Variants in KIF17 observed in about 807,000 individuals in gnomAD.
KIF17 encodes kinesin-like protein KIF17.
Under a neutral mutation model 96.8 loss-of-function variants are expected in KIF17, and 80 were observed. The ratio of observed to expected loss-of-function variants is 0.83; its 90% CI spans 0.69 to 1.00. The LOEUF (loss-of-function observed/expected upper bound fraction) is 1.00. KIF17 is among the 50% of genes least tolerant of loss of function. KIF17 has a pLI of 0.00. For missense variants in KIF17, 1,280 were observed against 1,372.9 expected (o/e 0.93, Z 1.07); for synonymous variants, 567 against 587.5 (o/e 0.97, Z 0.51).
downstream of KIF17, among the ~76,000 whole-genome samples, chr1:20,663,249 A>G (rs545970382): frequency 4.5e-4 from 69 of 152,260 alleles, 1 homozygote; most frequent in South Asian, 0.011. Context: ...ATAATTTTTA[A>G]AAGACCTGAT....
chr1:20,669,561 T>TA (rs1355411685), intron 13 of KIF17, among the ~76,000 whole-genome samples: 6 of 113,960 alleles, frequency 5.3e-5, no homozygotes, highest in Non-Finnish European at 9.3e-5. Context: ...ATAATAATAA[T>TA]AATAAATAAA....
At chr1:20,692,575 A>G (rs2054058764) in intron 6 of KIF17, among the ~76,000 whole-genome samples, 3 of 151,774 alleles carry the variant, frequency 2.0e-5, no homozygotes, top group Middle Eastern at 3.2e-3. Flanking sequence ...TGATGGGATT[A>G]GAGGCGTGAG....
At chr1:20,712,717 AATT>A (rs1486595793) in intron 3 of KIF17, among the ~76,000 whole-genome samples, 1 of 29,346 alleles carries the variant, frequency 3.4e-5, no homozygotes, top group Non-Finnish European at 6.9e-5. Flanking sequence ...CTATATATAA[AATT>A]ATATTATATC....
chr1:20,675,320 T>A (rs759689141), intron 11 of KIF17, among the ~76,000 whole-genome samples: 1 of 151,226 alleles, frequency 6.6e-6, no homozygotes, highest in Non-Finnish European at 1.5e-5. Flanking sequence ...TCTTGGTGGG[T>A]GCCTGTAGTC....
chr1:20,706,888 C>CG (rs1553152411), intron 4 of KIF17, among the ~76,000 whole-genome samples: 1 of 144,730 alleles, frequency 6.9e-6, no homozygotes, highest in Non-Finnish European at 1.5e-5. Context: ...AATCCTGTCT[C>CG]AAAAAAAAAA....
chr1:20,716,190 C>T (rs1411521063), intron 1 of KIF17, among the ~76,000 whole-genome samples: 2 of 145,476 alleles, frequency 1.4e-5, no homozygotes, highest in East Asian at 2.0e-4. Context: ...TGCAGTGAGC[C>T]GAGGTCGTGC....
chr1:20,717,428 C>T, intron 1 of KIF17, 48 bp downstream of exon 1: 3 of 1,601,526 alleles, frequency 1.9e-6, no homozygotes, highest in South Asian at 2.2e-5. Flanking sequence ...ACTCTCGGGG[C>T]GGCCTCATGC....
chr1:20,716,435 G>A (rs530639285), intron 1 of KIF17, among the ~76,000 whole-genome samples: 41 of 152,322 alleles, frequency 2.7e-4, no homozygotes, highest in Middle Eastern at 3.4e-3. Flanking sequence ...GCTATGGGGC[G>A]GGGCACACAG....
Position 20,685,087 on chromosome 1 carries a change from G to T in KIF17, c.2020-67C>A. The T allele has an allele frequency of 7.4e-7, 1 of 1,347,770 alleles. No homozygotes were observed. Among genetic ancestry groups the T allele is most frequent in the African/African-American group, 1.4e-5 (1 of 68,968 alleles). 83.5% of individuals were successfully genotyped at this position (1,347,770 alleles called of 1,614,324 possible). The stretch of plus-strand genomic sequence containing the variant: ...CCCAACCCCCGCCGACAGCTCCCAG[G>T]TGGCTCAATCCCAGACGGGGCCATT... On this transcript the variant is annotated intron_variant, in intron 9 of 14. Coordinates refer to ENST00000400463, the MANE Select transcript of KIF17 (RefSeq NM_001122819.3). This position sits in a 1 kb window ranked among gnomAD's most constrained non-coding sequence, Gnocchi z 4.1.
Position 20,704,879 on chromosome 1 carries a change from G to A in KIF17, c.691C>T (p.Leu231Phe), listed in dbSNP as rs778529699. ...SAVDERGKDH[L>F]RAGKLNLVDL... ...ACCAGGTTCAGCTTGCCCGCCCGGA[G>A]GTGGTCCTTGCCCCGCTCATCTGCA... Residue 231 changes from leucine (L) to phenylalanine (F), a missense_variant, in exon 5 of 15, where the codon CTC (leucine) becomes TTC (phenylalanine). Physicochemically the swap from Leu to Phe is conservative, Grantham distance 22. Transcript: ENST00000400463. The surrounding 1 kb of genome is among the most constrained non-coding windows in gnomAD (Gnocchi z 6.8). 6.2e-7 allele frequency: 1 copy of A among 1,600,944 alleles called. No homozygotes were observed. The highest frequency in any genetic ancestry group is 8.5e-7 in the Non-Finnish European group (1 of 1,179,882).
At chr1:20,673,214 AAAATAAATAAAT>A (rs1039579411) in intron 11 of KIF17, among the ~76,000 whole-genome samples, 1 of 152,034 alleles carries the variant, frequency 6.6e-6, no homozygotes, top group South Asian at 2.1e-4. Flanking sequence ...ACTCTGTCTC[AAAATAAATAAAT>A]AAATAAATAG....
At chr1:20,690,991 T>C (rs904363027) in intron 6 of KIF17, among the ~76,000 whole-genome samples, 5 of 151,336 alleles carry the variant, frequency 3.3e-5, no homozygotes, top group Admixed American at 6.6e-5. Flanking sequence ...CCGGCCACCA[T>C]CAGCTAATTT....
At chr1:20,684,227 G>C (rs1005253030) in intron 10 of KIF17, among the ~76,000 whole-genome samples, 2 of 152,226 alleles carry the variant, frequency 1.3e-5, no homozygotes, top group Admixed American at 1.3e-4. Context: ...TGAGGCAGCA[G>C]CTTGCTCATC....
Position 20,717,689 on chromosome 1 carries a change from C to T in KIF17, c.18G>A (p.Val6=), listed in dbSNP as rs1363786152. 6.3e-7 allele frequency: 1 copy of T among 1,596,358 alleles called. No individual in the cohort carries two copies. The highest frequency in any genetic ancestry group is 2.3e-5 in the East Asian group (1 of 44,442). Residue 6 remains valine (V), a synonymous_variant, in exon 1 of 15, where the codon GTG becomes GTA. Transcript: ENST00000400463. MASEA[V]KVVVRCRPMN... ...TGGGACGGCAGCGCACGACAACCTT[C>T]ACCGCCTCGGAGGCCATGGCGCCGC...
At chr1:20,715,958 C>A (rs2054570467) in intron 1 of KIF17, among the ~76,000 whole-genome samples, 1 of 152,146 alleles carries the variant, frequency 6.6e-6, no homozygotes, top group Non-Finnish European at 1.5e-5. Flanking sequence ...ATAAGAAAAA[C>A]ACCTTGGGCC....
intron 11 of KIF17, among the ~76,000 whole-genome samples, chr1:20,673,955 G>A (rs887246097): frequency 6.6e-6 from 1 of 151,944 alleles, no homozygotes; most frequent in Non-Finnish European, 1.5e-5. Flanking sequence ...TAGAGACAGG[G>A]TCTCACTCTG....
chr1:20,704,953 A>AG lies in KIF17; in HGVS notation c.671-55dup, dbSNP rs1235136162. ...GGCCTCGGGTGAGCCCTATGTATCGAGGGCAATCAGTGCCAGGCACTGGGT... is the reference window on the plus strand; with the variant it reads ...GGCCTCGGGTGAGCCCTATGTATCGAGGGGCAATCAGTGCCAGGCACTGGGT... On this transcript the variant is annotated intron_variant, in intron 4 of 14. Transcript: ENST00000400463. The surrounding 1 kb of genome is among the most constrained non-coding windows in gnomAD (Gnocchi z 6.8). The AG allele has an allele frequency of 1.7e-5, 26 of 1,517,530 alleles. No homozygotes were observed. In the East Asian group the frequency reaches 5.2e-4, roughly 30 times the overall value. 94.0% of individuals were successfully genotyped at this position (1,517,530 alleles called of 1,614,324 possible).
At chr1:20,661,769 C>T (rs533747743), downstream of KIF17, among the ~76,000 whole-genome samples, 15 of 152,382 alleles carry the variant, frequency 9.8e-5, no homozygotes, top group South Asian at 1.9e-3. Context: ...GTTTGGCCAC[C>T]TTCTTGCTGG....
rs768761141 is a variant in KIF17 at position 20,664,549 on chromosome 1, A to G, written c.*35T>C. The G allele has an allele frequency of 1.9e-6, 3 of 1,613,602 alleles. No individual in the cohort carries two copies. Among genetic ancestry groups the G allele is most frequent in the Non-Finnish European group, 2.5e-6 (3 of 1,180,002 alleles). ...CCTGGGAGGGCCTGGCAGTCTCTAC[A>G]TGCCTATAAGGCAGGCAATGGCAAG... On this transcript the variant is annotated 3_prime_UTR_variant, in exon 15 of 15. Coordinates refer to ENST00000400463, the MANE Select transcript of KIF17 (RefSeq NM_001122819.3).
Sources: gnomAD v4.1 joint callset for allele counts (sites outside exome capture counted in the v4.1 genomes callset) on GRCh38, gnomAD v4.1.1 for gene constraint, Gnocchi (gnomAD v3.1) non-coding constraint, MANE v1.5 for transcripts, NCBI Gene and HGNC (gene_info 2026-07-23, HGNC 2026-07-21) for gene names.